BABAM2: variants seen among roughly 807,000 people sequenced by gnomAD.
BABAM2 encodes BRISC and BRCA1-A complex member 2.
BABAM2 carries 31 observed loss-of-function variants against 54.7 expected under a neutral mutation model. That is an observed-to-expected ratio of 0.57 (90% CI 0.43 to 0.77). The LOEUF is 0.77. Ranked by LOEUF, BABAM2 falls within the 30% of genes least tolerant of loss-of-function variation. The pLI, the probability that BABAM2 is intolerant of heterozygous loss-of-function variation, is 0.00. For synonymous variants in BABAM2, 167 were observed against 162.9 expected (o/e 1.03, Z -0.19); for missense variants, 364 against 455.8 (o/e 0.80, Z 1.83).
At chr2:28,135,701 T>G (rs770289041) in intron 7 of BABAM2, among the ~76,000 whole-genome samples, 5 of 152,216 alleles carry the variant, frequency 3.3e-5, no homozygotes, top group Admixed American at 6.5e-5. Flanking sequence ...TCTTGTCTTC[T>G]TGGTGCCCAG....
chr2:28,196,751 A>G (rs1677600436), intron 7 of BABAM2, among the ~76,000 whole-genome samples: 1 of 145,798 alleles, frequency 6.9e-6, no homozygotes, highest in Non-Finnish European at 1.5e-5. Flanking sequence ...CAGGAGGCTG[A>G]GGTAGAAGGA....
At chr2:28,196,105 A>T (rs1677507519) in intron 7 of BABAM2, among the ~76,000 whole-genome samples, 1 of 152,174 alleles carries the variant, frequency 6.6e-6, no homozygotes, top group Non-Finnish European at 1.5e-5. Flanking sequence ...AGGCAGGCGG[A>T]TCACGAGGTC....
chr2:28,064,768 G>T (rs1679170282), intron 6 of BABAM2, among the ~76,000 whole-genome samples: 1 of 152,142 alleles, frequency 6.6e-6, no homozygotes, highest in Non-Finnish European at 1.5e-5. Context: ...TTGGGAGGCG[G>T]AGGTGGGCGG....
chr2:27,937,361 C>G (rs1161465311), intron 3 of BABAM2, among the ~76,000 whole-genome samples: 1 of 152,132 alleles, frequency 6.6e-6, no homozygotes, highest in South Asian at 2.1e-4. Flanking sequence ...CTCCTGACCT[C>G]GAGATCTGCC....
Position 27,940,465 on chromosome 2 carries a change from C to CGT in BABAM2, c.205+10560_205+10561dup, listed in dbSNP as rs1216552061. Among the ~76,000 whole-genome samples the CGT allele has an allele frequency of 2.0e-5, 3 of 152,182 alleles. No individual in the cohort carries two copies. In the East Asian group the frequency reaches 5.8e-4, roughly 29 times the overall value. On this transcript the variant is annotated intron_variant, in intron 3 of 11. Transcript: ENST00000379624. ...ATAAATGTTTGTGGAAAGAATGAGC[C>CGT]GTGTTCATTCTTTGGATCTGACAAC...
intron 7 of BABAM2, among the ~76,000 whole-genome samples, chr2:28,179,868 T>C (rs1675429257): frequency 6.6e-6 from 1 of 152,074 alleles, no homozygotes; most frequent in Non-Finnish European, 1.5e-5. Context: ...CAATCTCATT[T>C]ATAATCACTT....
intron 2 of BABAM2, 86 bp downstream of exon 2, chr2:27,894,770 A>AGTCTGGT: frequency 1.3e-6 from 2 of 1,520,922 alleles, no homozygotes; most frequent in East Asian, 4.5e-5. Context: ...GACTCATAAA[A>AGTCTGGT]ATTGACTGCC....
At chr2:27,939,358 G>A (rs1258845888) in intron 3 of BABAM2, among the ~76,000 whole-genome samples, 1 of 152,196 alleles carries the variant, frequency 6.6e-6, no homozygotes, top group Non-Finnish European at 1.5e-5. Context: ...TAGAGATGGA[G>A]ACTGTTGTGT....
chr2:28,020,054 T>C (rs547271292), intron 4 of BABAM2, among the ~76,000 whole-genome samples: 1 of 152,362 alleles, frequency 6.6e-6, no homozygotes, highest in Admixed American at 6.5e-5. Flanking sequence ...TTTAGCATGT[T>C]GCATTAGCTT....
intron 10 of BABAM2, among the ~76,000 whole-genome samples, chr2:28,260,582 G>A (rs1181070983): frequency 1.3e-5 from 2 of 152,116 alleles, no homozygotes; most frequent in Middle Eastern, 3.4e-3. Flanking sequence ...AATTACAGGC[G>A]TGAGGCAGCG....
chr2:28,076,056 G>A (rs1402989825), intron 6 of BABAM2, among the ~76,000 whole-genome samples: 1 of 152,050 alleles, frequency 6.6e-6, no homozygotes, highest in Non-Finnish European at 1.5e-5. Flanking sequence ...TTGGGCCCAC[G>A]AGTTAGAGAG....
At chr2:27,986,825 ATT>A (rs1672431544) in intron 3 of BABAM2, among the ~76,000 whole-genome samples, 1 of 152,166 alleles carries the variant, frequency 6.6e-6, no homozygotes, top group African/African-American at 2.4e-5. Flanking sequence ...AAGTATACAT[ATT>A]TTTATACATT....
intron 7 of BABAM2, among the ~76,000 whole-genome samples, chr2:28,163,374 G>C (rs1219375407): frequency 2.0e-5 from 3 of 152,206 alleles, no homozygotes; most frequent in Non-Finnish European, 4.4e-5. Flanking sequence ...TGTGGAGTAA[G>C]TCAGTAGCTG....
chr2:28,290,066 C>A (rs1687164123), intron 10 of BABAM2, among the ~76,000 whole-genome samples: 1 of 152,086 alleles, frequency 6.6e-6, no homozygotes, highest in Non-Finnish European at 1.5e-5. Flanking sequence ...GTTTTTGATC[C>A]TTGTAAGTAT....
Position 28,099,499 on chromosome 2 carries a change from T to A in BABAM2, c.571-29772T>A, listed in dbSNP as rs1459237898. Among the ~76,000 whole-genome samples, 4 of 152,232 alleles carry A rather than the reference T, an allele frequency of 2.6e-5. No individual in the cohort carries two copies. In the East Asian group the frequency reaches 5.8e-4, roughly 22 times the overall value. On this transcript the variant is annotated intron_variant, in intron 6 of 11. Transcript: ENST00000379624. ...TCCCTCTTTGCGTGATGAATTATATTGTTTTCCTTGTGTCTAGTTATGCAG... is the reference window on the plus strand; with the variant it reads ...TCCCTCTTTGCGTGATGAATTATATAGTTTTCCTTGTGTCTAGTTATGCAG...
chr2:28,064,320 A>G (rs1050122676), intron 6 of BABAM2, among the ~76,000 whole-genome samples: 4 of 152,144 alleles, frequency 2.6e-5, no homozygotes. Flanking sequence ...ATCTTGTTTC[A>G]TTTGAAGTAT....
Position 28,112,572 on chromosome 2 carries a change from G to A in BABAM2, c.571-16699G>A, listed in dbSNP as rs114055341. Among the ~76,000 whole-genome samples the A allele has an allele frequency of 3.1e-3, 467 of 152,214 alleles. 1 individual carries two copies. Among genetic ancestry groups the A allele is most frequent in the African/African-American group, 1.0e-2 (415 of 41,518 alleles). Reference sequence around the variant, plus strand: ...TTATGACTGGATAGTATTCTATGATGTATATATGCCATATTTTCTTTTTCC... The same window carrying A: ...TTATGACTGGATAGTATTCTATGATATATATATGCCATATTTTCTTTTTCC... On this transcript the variant is annotated intron_variant, in intron 6 of 11. Transcript: ENST00000379624.
At chr2:28,138,813 G>A (rs537563004) in intron 7 of BABAM2, among the ~76,000 whole-genome samples, 3 of 152,020 alleles carry the variant, frequency 2.0e-5, no homozygotes, top group African/African-American at 4.8e-5. Context: ...CTTGTGTGTC[G>A]TCTCTCATGT....
At chr2:28,147,502 C>A (rs866086483) in intron 7 of BABAM2, among the ~76,000 whole-genome samples, 1 of 147,746 alleles carries the variant, frequency 6.8e-6, no homozygotes, top group Non-Finnish European at 1.5e-5. Context: ...GAGACGGAGT[C>A]TCACTCTGTC....
Sources: allele counts gnomAD v4.1 joint callset (sites outside exome capture counted in the v4.1 genomes callset), GRCh38; gene constraint gnomAD v4.1.1; transcripts MANE v1.5; gene names NCBI Gene and HGNC (gene_info 2026-07-23, HGNC 2026-07-21).